The following SEMA4F variants were observed in gnomAD, a reference collection of about 807,000 sequenced individuals.
SEMA4F encodes the protein ssemaphorin 4F.
A neutral mutation model predicts 78.4 loss-of-function variants in SEMA4F; 51 were observed. The observed-to-expected ratio is 0.65, with a 90% CI of 0.52 to 0.82. The LOEUF (loss-of-function observed/expected upper bound fraction) is 0.82. Among genes scored for constraint, SEMA4F ranks in the 40% least tolerant of loss-of-function variants. SEMA4F has a pLI of 0.00. For synonymous variants in SEMA4F, 418 were observed against 408.7 expected, an observed-to-expected ratio of 1.02 and a Z score of -0.27; for missense variants, 938 against 1,014.4, an observed-to-expected ratio of 0.92 and a Z score of 1.02.
At chr2:74,664,816 G>A (rs929967244) in intron 5 of SEMA4F, among the ~76,000 whole-genome samples, 11 of 152,102 alleles carry the variant, frequency 7.2e-5, no homozygotes, top group African/African-American at 2.2e-4. Flanking sequence ...TAGGATATTA[G>A]TATTTCAATT....
At chr2:74,675,708 G>A in intron 11 of SEMA4F, 41 bp from the exon 12 acceptor site, 1 of 1,613,632 alleles carries the variant, frequency 6.2e-7, no homozygotes, top group Non-Finnish European at 8.5e-7. Context: ...CTGAGGTCTG[G>A]GAGATCCAGT....
intron 5 of SEMA4F, among the ~76,000 whole-genome samples, chr2:74,663,273 G>C (rs1684518784): frequency 6.6e-6 from 1 of 152,176 alleles, no homozygotes; most frequent in Non-Finnish European, 1.5e-5. Flanking sequence ...AGCTATTGTG[G>C]CTATAGAGCC....
At chr2:74,657,300 A>G (rs1684203075) in intron 2 of SEMA4F, among the ~76,000 whole-genome samples, 1 of 152,236 alleles carries the variant, frequency 6.6e-6, no homozygotes. Flanking sequence ...GTACTGAAAG[A>G]AACCTTTCTT....
At chr2:74,668,257 G>A (rs368169510) in intron 5 of SEMA4F, among the ~76,000 whole-genome samples, 32 of 152,264 alleles carry the variant, frequency 2.1e-4, no homozygotes, top group South Asian at 6.2e-4. Context: ...TGTGATGAAC[G>A]CATCTGCCAA....
Position 74,664,971 on chromosome 2 carries a change from G to A in SEMA4F, c.550+2146G>A, listed in dbSNP as rs530047759. 1.8e-4 allele frequency among the ~76,000 whole-genome samples: 28 copies of A among 152,204 alleles called. 1 individual carries two copies. In the South Asian group the frequency reaches 5.8e-3, roughly 32 times the overall value. On this transcript the variant is annotated intron_variant, in intron 5 of 13. Coordinates refer to ENST00000357877, the MANE Select transcript of SEMA4F (RefSeq NM_004263.5). ...TTGGCATTATTTTGATGAATCGCAT[G>A]AGGGGGGATCTAAATTAATTTTTCC...
chr2:74,697,219 A>G, the SEMA4F span, among the ~76,000 whole-genome samples: 6,566 of 152,234 alleles, frequency 0.043, 445 homozygotes, highest in African/African-American at 0.14. Context: ...CATCTCTTGA[A>G]TACATACTTG....
intron 5 of SEMA4F, among the ~76,000 whole-genome samples, chr2:74,665,389 C>A (rs1026045339): frequency 6.6e-6 from 1 of 151,646 alleles, no homozygotes; most frequent in African/African-American, 2.4e-5. Context: ...GTCACCATGC[C>A]CGGCTAATTT....
rs749973675 is a variant in SEMA4F, at chr2:74,682,410, CG to C, written c.*2202del. The C allele has an allele frequency of 6.8e-6, 1 of 146,394 alleles. No individual in the cohort carries two copies. The highest frequency in any genetic ancestry group is 1.9e-4 in the East Asian group (1 of 5,134). The allele number at this position is 146,394 out of a possible 1,614,324, so 9.1% of individuals were successfully genotyped here. On this transcript the variant is annotated 3_prime_UTR_variant, in exon 14 of 14. Coordinates refer to ENST00000357877, the MANE Select transcript of SEMA4F (RefSeq NM_004263.5). ...CAGCCTGGGCAACAGAGCAAAACTC[CG>C]TCTCAAAAAAAAAAAAAAAAGATAA... is the stretch of plus-strand genomic sequence containing the variant.
intron 5 of SEMA4F, among the ~76,000 whole-genome samples, chr2:74,672,454 T>A (rs1264180850): frequency 6.6e-6 from 1 of 152,158 alleles, no homozygotes. Flanking sequence ...GGCCAGGGAT[T>A]TACTTAGCAC....
At chr2:74,676,907 G>T (rs1685320474) in intron 12 of SEMA4F, among the ~76,000 whole-genome samples, 1 of 151,900 alleles carries the variant, frequency 6.6e-6, no homozygotes, top group Non-Finnish European at 1.5e-5. Flanking sequence ...TTGTTTGTTT[G>T]TTTGTTGTTT....
the SEMA4F span, among the ~76,000 whole-genome samples, chr2:74,699,853 A>G: frequency 6.6e-6 from 1 of 152,186 alleles, no homozygotes; most frequent in Admixed American, 6.5e-5. Context: ...TGAGAATGAG[A>G]ACTAGAGAAC....
chr2:74,657,769 A>G, intron 3 of SEMA4F, 84 bp from the exon 4 acceptor site: 1 of 1,421,964 alleles, frequency 7.0e-7, no homozygotes, highest in Non-Finnish European at 1.0e-6. Context: ...CTGATCCCAA[A>G]GCTGCATCTA....
At chr2:74,667,130 C>T (rs1029692493) in intron 5 of SEMA4F, among the ~76,000 whole-genome samples, 2 of 152,168 alleles carry the variant, frequency 1.3e-5, no homozygotes, top group Admixed American at 1.3e-4. Context: ...TGATTTTTAG[C>T]AGTTGCATAC....
At chr2:74,700,527 C>T in the SEMA4F span, among the ~76,000 whole-genome samples, 1 of 152,136 alleles carries the variant, frequency 6.6e-6, no homozygotes, top group Non-Finnish European at 1.5e-5. Flanking sequence ...GATTAATACT[C>T]TTGTTGTCCA....
the SEMA4F span, among the ~76,000 whole-genome samples, chr2:74,707,279 G>A: frequency 3.3e-5 from 5 of 152,186 alleles, no homozygotes; most frequent in Admixed American, 6.5e-5. Flanking sequence ...AGTATTTGGG[G>A]TTAAGGAGCA....
the SEMA4F span, among the ~76,000 whole-genome samples, chr2:74,695,529 A>C: frequency 1.3e-5 from 2 of 152,322 alleles, no homozygotes; most frequent in South Asian, 4.1e-4. Flanking sequence ...TACAACCCTC[A>C]ACAGAAGTAA....
At chr2:74,698,761 T>C in the SEMA4F span, among the ~76,000 whole-genome samples, 2 of 152,202 alleles carry the variant, frequency 1.3e-5, no homozygotes, top group Non-Finnish European at 2.9e-5. Flanking sequence ...TCCTTCCCAC[T>C]TGAGAACGTA....
downstream of SEMA4F, among the ~76,000 whole-genome samples, chr2:74,685,289 A>C (rs1270817288): frequency 2.0e-5 from 3 of 152,142 alleles, no homozygotes; most frequent in Admixed American, 1.3e-4. Flanking sequence ...CTTAGTAGGA[A>C]AGATAAGGAG....
intron 5 of SEMA4F, 25 bp from the exon 6 acceptor site, chr2:74,673,432 C>A: frequency 6.2e-7 from 1 of 1,613,042 alleles, no homozygotes; most frequent in African/African-American, 1.3e-5. Context: ...CCCTGATAGC[C>A]CATCTCCTCC....
Sources: gnomAD v4.1 joint callset for allele counts (sites outside exome capture counted in the v4.1 genomes callset) on GRCh38, gnomAD v4.1.1 for gene constraint, MANE v1.5 for transcripts, NCBI Gene and HGNC (gene_info 2026-07-23, HGNC 2026-07-21) for gene names.